Variants in AXIN1 observed in about 807,000 individuals in gnomAD.
AXIN1 encodes the protein axin-1.
Under a neutral mutation model 76.4 loss-of-function variants are expected in AXIN1, and 30 were observed. That is an observed-to-expected ratio of 0.39 (90% CI 0.29 to 0.53). The LOEUF (loss-of-function observed/expected upper bound fraction) is 0.53. Among genes scored for constraint, AXIN1 ranks in the 20% least tolerant of loss-of-function variants. The pLI, the probability that AXIN1 is intolerant of heterozygous loss-of-function variation, is 0.66. For missense variants in AXIN1, 1,140 were observed against 1,198.8 expected, an observed-to-expected ratio of 0.95 and a Z score of 0.72; for synonymous variants, 545 against 501.4, an observed-to-expected ratio of 1.09 and a Z score of -1.16.
At chr16:290,986 A>G (rs893985812) in intron 9 of AXIN1, 2 of 631,688 alleles carry the variant, frequency 3.2e-6, no homozygotes, top group Non-Finnish European at 5.8e-6. Context: ...ATCATGCTGG[A>G]CAGTCAGCGT....
chr16:302,345 C>T (rs977639853), intron 5 of AXIN1, among the ~76,000 whole-genome samples: 1 of 152,244 alleles, frequency 6.6e-6, no homozygotes, highest in Non-Finnish European at 1.5e-5. Flanking sequence ...ATGAGGGTCA[C>T]CCTCAGACCA....
At chr16:294,323 T>C (rs2052649388) in intron 7 of AXIN1, among the ~76,000 whole-genome samples, 1 of 140,896 alleles carries the variant, frequency 7.1e-6, no homozygotes, top group Non-Finnish European at 1.5e-5. Flanking sequence ...ATTACCCAAG[T>C]GTGGTGGTGG....
intron 2 of AXIN1, among the ~76,000 whole-genome samples, chr16:324,779 C>G (rs1597076182): frequency 1.3e-5 from 2 of 152,200 alleles, no homozygotes; most frequent in African/African-American, 2.4e-5. Flanking sequence ...CGGAACAGCA[C>G]AGCCAGCAGA....
intron 2 of AXIN1, among the ~76,000 whole-genome samples, chr16:343,395 T>C (rs2053967320): frequency 6.6e-6 from 1 of 152,038 alleles, no homozygotes; most frequent in Non-Finnish European, 1.5e-5. Flanking sequence ...TCAACTTCAG[T>C]CCCATCTTAA....
At chr16:337,703 A>G (rs1053487295) in intron 2 of AXIN1, among the ~76,000 whole-genome samples, 1 of 152,184 alleles carries the variant, frequency 6.6e-6, no homozygotes, top group African/African-American at 2.4e-5. Flanking sequence ...CAGATGCTTC[A>G]ACGGATCACA....
intron 4 of AXIN1, among the ~76,000 whole-genome samples, chr16:305,364 G>C (rs979771207): frequency 1.3e-5 from 2 of 152,054 alleles, no homozygotes. Context: ...CGACTACTTG[G>C]GAGGCTGAGG....
At chr16:326,011 A>G (rs990631403) in intron 2 of AXIN1, among the ~76,000 whole-genome samples, 8 of 152,024 alleles carry the variant, frequency 5.3e-5, no homozygotes, top group African/African-American at 1.9e-4. Flanking sequence ...TGTTTTAGCA[A>G]TACTGACAAC....
intron 2 of AXIN1, among the ~76,000 whole-genome samples, chr16:326,915 G>A (rs1385610899): frequency 6.6e-6 from 1 of 151,314 alleles, no homozygotes; most frequent in African/African-American, 2.4e-5. Context: ...CCGAGGCGGG[G>A]GGATCACGAG....
At chr16:289,079 CTTCTTTT>C (rs1280223528) in intron 10 of AXIN1, among the ~76,000 whole-genome samples, 1 of 137,540 alleles carries the variant, frequency 7.3e-6, no homozygotes, top group African/African-American at 2.8e-5. Flanking sequence ...AGCCCTTTTT[CTTCTTTT>C]TTTTTTTTTG....
At chr16:310,800 C>T (rs924263443) in intron 3 of AXIN1, among the ~76,000 whole-genome samples, 4 of 152,360 alleles carry the variant, frequency 2.6e-5, no homozygotes, top group Middle Eastern at 3.4e-3. Context: ...GCACGGGAAA[C>T]GTTTGCTGGC....
Position 287,843 on chromosome 16 carries a change from G to A in AXIN1, c.*279C>T. On this transcript the variant is annotated 3_prime_UTR_variant, in exon 11 of 11. Coordinates refer to ENST00000262320, the MANE Select transcript of AXIN1 (RefSeq NM_003502.4). Reference sequence around the variant, plus strand: ...GCCGGGGGATGGGGGGGGGTCACCTGAAGCTGGCAGCAGGGACCTCGGCTG... The same window carrying A: ...GCCGGGGGATGGGGGGGGGTCACCTAAAGCTGGCAGCAGGGACCTCGGCTG... The A allele has an allele frequency of 1.9e-6, 1 of 539,734 alleles. No homozygotes were observed. The highest frequency in any genetic ancestry group is 3.4e-6 in the Non-Finnish European group (1 of 297,582). The allele number at this position is 539,734 out of a possible 1,614,324, so 33.4% of individuals were successfully genotyped here.
intron 2 of AXIN1, among the ~76,000 whole-genome samples, chr16:329,259 A>G (rs2053642021): frequency 7.3e-6 from 1 of 137,388 alleles, no homozygotes; most frequent in Admixed American, 7.4e-5. Flanking sequence ...CCTGGGCGAC[A>G]GAGCGAGACT....
At chr16:291,002 T>C (rs2052542181) in intron 9 of AXIN1, 188 bp downstream of exon 9, 2 of 658,906 alleles carry the variant, frequency 3.0e-6, no homozygotes, top group South Asian at 1.7e-5. Context: ...AGCGTCTCCT[T>C]TGATGGAGAC....
intron 7 of AXIN1, among the ~76,000 whole-genome samples, chr16:296,551 T>C (rs947043085): frequency 2.0e-5 from 3 of 152,234 alleles, no homozygotes; most frequent in Non-Finnish European, 2.9e-5. Flanking sequence ...GCTGGACCTG[T>C]GGCGCCGGGG....
chr16:311,339 TTTTC>T, intron 3 of AXIN1, among the ~76,000 whole-genome samples: 1 of 151,712 alleles, frequency 6.6e-6, no homozygotes, highest in East Asian at 1.9e-4. Context: ...CCGCAACAGG[TTTTC>T]TTTATGAACC....
intron 7 of AXIN1, 68 bp downstream of exon 7, chr16:296,986 ACT>A: frequency 6.5e-7 from 1 of 1,544,134 alleles, no homozygotes; most frequent in East Asian, 2.2e-5. Flanking sequence ...AGCTGCACAC[ACT>A]GAGACTGTGC....
rs186630811 is a variant in AXIN1, at chr16:304,193, A to C, written c.1254+111T>G. On this transcript the variant is annotated intron_variant, in intron 5 of 10. Coordinates refer to ENST00000262320, the MANE Select transcript of AXIN1 (RefSeq NM_003502.4). ...ACTCAGCCGGGAGGCCTCATGGGTC[A>C]GCAGGCCTCGGCCAGCCCCGGGCAT... 39 of 1,572,144 alleles carry C rather than the reference A, an allele frequency of 2.5e-5. No individual in the cohort carries two copies. The Admixed American group carries it at 2.9e-4, about 12-fold the overall frequency.
chr16:326,370 A>ATATATATAT (rs1415761664), intron 2 of AXIN1, among the ~76,000 whole-genome samples: 74 of 92,936 alleles, frequency 8.0e-4, no homozygotes, highest in Non-Finnish European at 1.3e-3. Context: ...AAAAAAAAAA[A>ATATATATAT]AAATATATAT....
At position 346,414 on chromosome 16, in the gene AXIN1, A is replaced by G. The variant is rs2054035705; in HGVS notation, c.612T>C (p.Ser204=). Residue 204 remains serine, a synonymous_variant, in exon 2 of 11, where the codon TCT becomes TCC. Coordinates refer to ENST00000262320, the MANE Select transcript of AXIN1 (RefSeq NM_003502.4). ...EENTYPSFLK[S]DIYLEYTRTG... ...TCCTCGTATATTCCAAATAAATATCAGACTTAAGGAAGGAGGGATAGGTGT... is the reference window on the plus strand; with the variant it reads ...TCCTCGTATATTCCAAATAAATATCGGACTTAAGGAAGGAGGGATAGGTGT... The G allele has an allele frequency of 7.4e-6, 12 of 1,614,206 alleles. No homozygotes were observed. In the East Asian group the frequency reaches 2.7e-4, roughly 36 times the overall value.
Sources: allele counts gnomAD v4.1 joint callset (sites outside exome capture counted in the v4.1 genomes callset), GRCh38; gene constraint gnomAD v4.1.1; transcripts MANE v1.5; gene names NCBI Gene and HGNC (gene_info 2026-07-23, HGNC 2026-07-21).